The following TENM3 variants were observed in gnomAD, a reference collection of about 807,000 sequenced individuals.
TENM3 encodes teneurin transmembrane protein 3.
A neutral mutation model predicts 255.1 loss-of-function variants in TENM3; 63 were observed. That is an observed-to-expected ratio of 0.25 (90% CI 0.20 to 0.30). TENM3 has a LOEUF of 0.30. Ranked by LOEUF, TENM3 falls within the 10% of genes least tolerant of loss-of-function variation. The pLI, the probability that TENM3 is intolerant of heterozygous loss-of-function variation, is 1.00. For synonymous variants in TENM3, 1,306 were observed against 1,322.3 expected, an observed-to-expected ratio of 0.99 and a Z score of 0.27; for missense variants, 2,929 against 3,461.1, an observed-to-expected ratio of 0.85 and a Z score of 3.86.
At position 182,665,813 on chromosome 4, in the gene TENM3, A is replaced by G. The variant is rs1389430985; in HGVS notation, c.1112-7192A>G. Among the ~76,000 whole-genome samples, 4 of 152,046 alleles carry G rather than the reference A, an allele frequency of 2.6e-5. No individual in the cohort carries two copies. The East Asian group carries it at 7.7e-4, about 29-fold the overall frequency. On this transcript the variant is annotated intron_variant, in intron 6 of 27. Transcript: ENST00000511685. ...CAGGAGGCTGAGGCAGGAGAATGGCATGAACCCGGGAGGCGGAGGTTGCAG... is the reference window on the plus strand; with the variant it reads ...CAGGAGGCTGAGGCAGGAGAATGGCGTGAACCCGGGAGGCGGAGGTTGCAG...
chr4:181,897,309 A>C, the TENM3 span, among the ~76,000 whole-genome samples: 17,840 of 152,206 alleles, frequency 0.12, 1,442 homozygotes, highest in African/African-American at 0.22. Flanking sequence ...TTTTTTATCC[A>C]TACCTCATTG....
At chr4:181,662,731 C>G in the TENM3 span, among the ~76,000 whole-genome samples, 4 of 152,318 alleles carry the variant, frequency 2.6e-5, no homozygotes, top group East Asian at 7.7e-4. Flanking sequence ...CAATAAACAA[C>G]TAAGTGCTTT....
At chr4:182,753,680 C>A in intron 21 of TENM3, 76 bp downstream of exon 21, 1 of 1,426,330 alleles carries the variant, frequency 7.0e-7, no homozygotes, top group Non-Finnish European at 9.7e-7. Flanking sequence ...ACTATGATGG[C>A]ACCATATTAA....
chr4:181,924,551 A>G, the TENM3 span, among the ~76,000 whole-genome samples: 2 of 152,226 alleles, frequency 1.3e-5, no homozygotes, highest in African/African-American at 4.8e-5. Context: ...TACTAGTCTA[A>G]TCATTCCTTA....
At chr4:181,947,203 C>T in the TENM3 span, among the ~76,000 whole-genome samples, 2 of 152,136 alleles carry the variant, frequency 1.3e-5, no homozygotes, top group Admixed American at 6.5e-5. Flanking sequence ...TGTAAACACA[C>T]TTTTAAAATA....
At chr4:181,891,563 T>A in the TENM3 span, among the ~76,000 whole-genome samples, 1 of 152,190 alleles carries the variant, frequency 6.6e-6, no homozygotes, top group East Asian at 1.9e-4. Flanking sequence ...TCAGATCAAA[T>A]TCTCAGACTT....
chr4:182,465,563 G>A (rs962068395), intron 3 of TENM3, among the ~76,000 whole-genome samples: 9 of 151,944 alleles, frequency 5.9e-5, no homozygotes, highest in African/African-American at 9.7e-5. Flanking sequence ...TATAGCGGCC[G>A]GATCTAAAAT....
intron 3 of TENM3, among the ~76,000 whole-genome samples, chr4:182,356,639 A>AG (rs1765557905): frequency 1.3e-5 from 2 of 152,218 alleles, no homozygotes; most frequent in Admixed American, 1.3e-4. Flanking sequence ...TCAGGAGTGA[A>AG]GGGGTCCTTG....
intron 3 of TENM3, among the ~76,000 whole-genome samples, chr4:182,352,504 A>C (rs993249097): frequency 1.3e-5 from 2 of 152,100 alleles, no homozygotes; most frequent in African/African-American, 4.8e-5. Flanking sequence ...AGAAGACTTC[A>C]TTTCTCACCT....
At chr4:182,699,284 G>A (rs1319296261) in intron 12 of TENM3, among the ~76,000 whole-genome samples, 1 of 152,162 alleles carries the variant, frequency 6.6e-6, no homozygotes, top group African/African-American at 2.4e-5. Flanking sequence ...TTCTCAACTG[G>A]GAGCAATACA....
chr4:182,120,084 C>A, the TENM3 span, among the ~76,000 whole-genome samples: 5 of 3,090 alleles, frequency 1.6e-3, no homozygotes. Context: ...TACACACATG[C>A]GTGCGTGCGC....
the TENM3 span, among the ~76,000 whole-genome samples, chr4:181,547,251 A>G: frequency 1.3e-5 from 2 of 152,198 alleles, 1 homozygote; most frequent in Non-Finnish European, 2.9e-5. Context: ...TTTTATATAG[A>G]GAGAAAGAAA....
At chr4:182,761,248 GTCTC>G (rs1376353086) in intron 22 of TENM3, among the ~76,000 whole-genome samples, 1 of 152,050 alleles carries the variant, frequency 6.6e-6, no homozygotes, top group African/African-American at 2.4e-5. Flanking sequence ...GTGAAACCCT[GTCTC>G]TACTAGAAAT....
the TENM3 span, among the ~76,000 whole-genome samples, chr4:181,776,123 T>C: frequency 1.3e-5 from 2 of 152,120 alleles, no homozygotes; most frequent in South Asian, 4.1e-4. Flanking sequence ...AACTTTCTGC[T>C]TCCATGAGAT....
the TENM3 span, among the ~76,000 whole-genome samples, chr4:181,470,985 G>GT: frequency 0.88 from 133,375 of 152,024 alleles, 59,448 homozygotes; most frequent in Non-Finnish European, 0.98. Flanking sequence ...GGTTTGTGGT[G>GT]TTTTTTTCTT....
rs142957807 is a variant in TENM3, at chr4:182,603,784, TAC to T, written c.749+2634_749+2635del. 3.7e-5 allele frequency among the ~76,000 whole-genome samples: 5 copies of T among 134,212 alleles called. 1 individual carries two copies. Among genetic ancestry groups the T allele is most frequent in the Non-Finnish European group, 6.4e-5 (4 of 62,292 alleles). 88.0% of individuals were successfully genotyped at this position (134,212 alleles called of 152,430 possible). A position where few individuals can be genotyped will look rare whatever the true frequency, so the allele number is the denominator to read the frequency against. Reference sequence around the variant, plus strand: ...AATTATTTATATATATATATATATATACACACACACACCGATTTTGCTAATTC... The same window carrying T: ...AATTATTTATATATATATATATATATACACACACACCGATTTTGCTAATTC... On this transcript the variant is annotated intron_variant, in intron 4 of 27. Transcript: ENST00000511685.
At chr4:181,766,709 G>T in the TENM3 span, among the ~76,000 whole-genome samples, 199 of 151,954 alleles carry the variant, frequency 1.3e-3, no homozygotes, top group Middle Eastern at 6.9e-3. Context: ...CAACAGAAGG[G>T]GGTGTGCTTG....
intron 1 of TENM3, among the ~76,000 whole-genome samples, chr4:182,187,643 T>C (rs1044926650): frequency 3.9e-5 from 6 of 152,006 alleles, no homozygotes; most frequent in African/African-American, 9.7e-5. Context: ...AAGAATTCTT[T>C]GGTTGAACAG....
intron 3 of TENM3, among the ~76,000 whole-genome samples, chr4:182,392,616 G>A (rs1343793482): frequency 6.6e-6 from 1 of 152,154 alleles, no homozygotes; most frequent in Non-Finnish European, 1.5e-5. Context: ...TGTGGGGAGC[G>A]CTGAGAGCGG....
Sources: gnomAD v4.1 joint callset for allele counts (sites outside exome capture counted in the v4.1 genomes callset) on GRCh38, gnomAD v4.1.1 for gene constraint, MANE v1.5 for transcripts, NCBI Gene and HGNC (gene_info 2026-07-23, HGNC 2026-07-21) for gene names.